The following ZCCHC7 variants were observed in gnomAD, a reference collection of about 807,000 sequenced individuals.
The protein encoded by ZCCHC7 is zinc finger CCHC domain-containing protein 7.
In ZCCHC7, 35 loss-of-function variants were observed where a neutral mutation model predicts 52.0. The observed-to-expected ratio is 0.67, with a 90% CI of 0.51 to 0.89. The LOEUF is 0.89. Ranked by LOEUF, ZCCHC7 falls within the 40% of genes least tolerant of loss-of-function variation. The pLI, the probability that ZCCHC7 is intolerant of heterozygous loss-of-function variation, is 0.00. For synonymous variants in ZCCHC7, 217 were observed against 221.5 expected (o/e 0.98, Z 0.18); for missense variants, 574 against 649.1 (o/e 0.88, Z 1.26).
chr9:37,250,606 T>TTC (rs1241514572), intron 2 of ZCCHC7, among the ~76,000 whole-genome samples: 1 of 152,064 alleles, frequency 6.6e-6, no homozygotes, highest in Non-Finnish European at 1.5e-5. Context: ...CTGGCCTCTC[T>TTC]TCTCTCTCTC....
At chr9:37,168,723 C>A in intron 2 of ZCCHC7, among the ~76,000 whole-genome samples, 2 of 152,004 alleles carry the variant, frequency 1.3e-5, no homozygotes, top group Non-Finnish European at 2.9e-5. Flanking sequence ...CATAACAAGA[C>A]CCCATCTCTA....
At chr9:37,289,441 G>A (rs942297019) in intron 2 of ZCCHC7, among the ~76,000 whole-genome samples, 13 of 151,850 alleles carry the variant, frequency 8.6e-5, no homozygotes, top group Admixed American at 5.9e-4. Flanking sequence ...GAGTCACCAC[G>A]CCTGGCCTCT....
chr9:37,199,431 A>G (rs1465869342), intron 2 of ZCCHC7, among the ~76,000 whole-genome samples: 1 of 148,522 alleles, frequency 6.7e-6, no homozygotes, highest in Non-Finnish European at 1.5e-5. Flanking sequence ...TCCTGGGTTC[A>G]AGCGATTCTC....
chr9:37,206,760 G>A (rs1011654184), intron 2 of ZCCHC7, among the ~76,000 whole-genome samples: 3 of 152,070 alleles, frequency 2.0e-5, no homozygotes, highest in African/African-American at 7.2e-5. Context: ...CGTAGATGGG[G>A]TCTGGTTTGA....
At chr9:37,273,659 G>A (rs1226574847) in intron 2 of ZCCHC7, among the ~76,000 whole-genome samples, 1 of 152,138 alleles carries the variant, frequency 6.6e-6, no homozygotes. Flanking sequence ...TTACCTCCTG[G>A]TCAATATTTG....
At chr9:37,239,229 G>A (rs1219165165) in intron 2 of ZCCHC7, among the ~76,000 whole-genome samples, 1 of 152,036 alleles carries the variant, frequency 6.6e-6, no homozygotes, top group East Asian at 1.9e-4. Flanking sequence ...ACTGGCTAGT[G>A]TTTCATTTTT....
intron 2 of ZCCHC7, among the ~76,000 whole-genome samples, chr9:37,166,489 A>G (rs1490762498): frequency 6.6e-6 from 1 of 152,048 alleles, no homozygotes; most frequent in African/African-American, 2.4e-5. Flanking sequence ...GTAAATTTTA[A>G]TGACTTTCTC....
At chr9:37,172,856 G>A (rs554789126) in intron 2 of ZCCHC7, among the ~76,000 whole-genome samples, 10 of 151,682 alleles carry the variant, frequency 6.6e-5, no homozygotes, top group African/African-American at 2.2e-4. Context: ...GGACTTGAGC[G>A]AGCAACATGG....
At chr9:37,127,923 A>T (rs1842610969) in intron 2 of ZCCHC7, among the ~76,000 whole-genome samples, 1 of 152,206 alleles carries the variant, frequency 6.6e-6, no homozygotes, top group African/African-American at 2.4e-5. Flanking sequence ...GCAGCCTTAA[A>T]TAATACCTAT....
intron 2 of ZCCHC7, among the ~76,000 whole-genome samples, chr9:37,139,363 C>T (rs944759568): frequency 6.6e-6 from 1 of 151,956 alleles, no homozygotes; most frequent in Non-Finnish European, 1.5e-5. Context: ...CTTTTTAAAT[C>T]ATATGCTTAA....
intron 2 of ZCCHC7, among the ~76,000 whole-genome samples, chr9:37,195,570 A>G (rs1478967509): frequency 1.3e-5 from 2 of 152,142 alleles, no homozygotes; most frequent in Admixed American, 1.3e-4. Context: ...GGAAAAGGAA[A>G]CAATTGCTTG....
rs578212731 is a variant in ZCCHC7, at chr9:37,199,121, C to A, written c.610+72179C>A. The stretch of plus-strand genomic sequence containing the variant: ...CTGTTTCCCATAGTAATTTAAATGG[C>A]CAATGAAAACATGCCCCAGATGATA... On this transcript the variant is annotated intron_variant, in intron 2 of 8. Transcript: ENST00000336755. Among the ~76,000 whole-genome samples, 4 of 152,172 alleles carry A rather than the reference C, an allele frequency of 2.6e-5. No individual in the cohort carries two copies. The East Asian group carries it at 7.7e-4, about 29-fold the overall frequency.
At chr9:37,330,366 G>A (rs1200819495) in intron 6 of ZCCHC7, among the ~76,000 whole-genome samples, 1 of 151,376 alleles carries the variant, frequency 6.6e-6, no homozygotes, top group Non-Finnish European at 1.5e-5. Context: ...AGCTAGACTC[G>A]ACTACATTAA....
intron 2 of ZCCHC7, among the ~76,000 whole-genome samples, chr9:37,221,080 C>G (rs1379196017): frequency 6.6e-6 from 1 of 152,174 alleles, no homozygotes; most frequent in Non-Finnish European, 1.5e-5. Context: ...GTGGAGCTTA[C>G]CAGGTTCCAC....
chr9:37,257,148 A>G (rs1241989396), intron 2 of ZCCHC7, among the ~76,000 whole-genome samples: 1 of 152,328 alleles, frequency 6.6e-6, no homozygotes, highest in Admixed American at 6.5e-5. Flanking sequence ...AGCCGTAGTA[A>G]ATTTTGGAAG....
At chr9:37,251,580 G>T (rs1169156148) in intron 2 of ZCCHC7, among the ~76,000 whole-genome samples, 1 of 152,128 alleles carries the variant, frequency 6.6e-6, no homozygotes, top group Non-Finnish European at 1.5e-5. Flanking sequence ...TTGTCAGAGG[G>T]CTCCCTTAAT....
At chr9:37,274,331 C>CTTTTTTTT (rs10653910) in intron 2 of ZCCHC7, among the ~76,000 whole-genome samples, 9 of 76,680 alleles carry the variant, frequency 1.2e-4, no homozygotes, top group Admixed American at 3.3e-4. Flanking sequence ...TATCTAATTT[C>CTTTTTTTT]TTTTTTTTTT....
At chr9:37,299,941 A>G (rs1828955011) in intron 2 of ZCCHC7, among the ~76,000 whole-genome samples, 1 of 152,188 alleles carries the variant, frequency 6.6e-6, no homozygotes, top group African/African-American at 2.4e-5. Flanking sequence ...TTGAAAATAC[A>G]GTTTTCATAG....
chr9:37,123,664 A>G (rs1047457783), intron 1 of ZCCHC7, among the ~76,000 whole-genome samples: 4 of 152,192 alleles, frequency 2.6e-5, no homozygotes, highest in African/African-American at 7.2e-5. Context: ...TCTGTGCTGC[A>G]CTGGAATTAT....
Sources: allele counts gnomAD v4.1 joint callset (sites outside exome capture counted in the v4.1 genomes callset), GRCh38; gene constraint gnomAD v4.1.1; transcripts MANE v1.5; gene names NCBI Gene and HGNC (gene_info 2026-07-23, HGNC 2026-07-21).